Variants in NRXN1 observed in about 807,000 individuals in gnomAD.
NRXN1 encodes the protein neurexin 1.
NRXN1 carries 39 observed loss-of-function variants against 150.9 expected under a neutral mutation model. That is an observed-to-expected ratio of 0.26 (90% CI 0.20 to 0.34). The LOEUF (loss-of-function observed/expected upper bound fraction) is 0.34. NRXN1 is among the 10% of genes least tolerant of loss of function. The pLI is 1.00. For synonymous variants in NRXN1, 924 were observed against 757.0 expected (o/e 1.22, Z -3.62); for missense variants, 1,815 against 1,949.9 (o/e 0.93, Z 1.30).
At chr2:50,225,924 C>T (rs1453990627) in intron 18 of NRXN1, among the ~76,000 whole-genome samples, 3 of 151,942 alleles carry the variant, frequency 2.0e-5, no homozygotes, top group Non-Finnish European at 4.4e-5. Context: ...ATCTGAAATG[C>T]TCCATAATTT....
chr2:50,203,366 A>G (rs946127190), intron 18 of NRXN1, among the ~76,000 whole-genome samples: 8 of 152,188 alleles, frequency 5.3e-5, no homozygotes, highest in Non-Finnish European at 1.0e-4. Context: ...ATGGGTCTTT[A>G]CATTCTTGAA....
chr2:50,635,085 G>T (rs1254642302), intron 5 of NRXN1, among the ~76,000 whole-genome samples: 1 of 152,128 alleles, frequency 6.6e-6, no homozygotes, highest in Non-Finnish European at 1.5e-5. Flanking sequence ...TCAAGCCAAA[G>T]ACTCAAAGGG....
At chr2:50,574,916 T>A (rs927719237) in intron 8 of NRXN1, among the ~76,000 whole-genome samples, 2 of 152,208 alleles carry the variant, frequency 1.3e-5, no homozygotes, top group Admixed American at 6.5e-5. Flanking sequence ...GTTTGAGACA[T>A]GAACTGCTGC....
intron 17 of NRXN1, among the ~76,000 whole-genome samples, chr2:50,369,977 C>A (rs1949569): frequency 0.57 from 86,123 of 151,828 alleles, 26,720 homozygotes; most frequent in East Asian, 0.92. Context: ...CATGGCTAAT[C>A]GCAAAGGTAA....
chr2:50,175,582 G>C (rs1263208805), intron 18 of NRXN1, among the ~76,000 whole-genome samples: 2 of 151,412 alleles, frequency 1.3e-5, no homozygotes, highest in African/African-American at 2.4e-5. Flanking sequence ...AATATATGTG[G>C]ATAGAATATA....
At chr2:50,705,342 A>G (rs554531354) in intron 5 of NRXN1, among the ~76,000 whole-genome samples, 1 of 152,278 alleles carries the variant, frequency 6.6e-6, no homozygotes, top group African/African-American at 2.4e-5. Context: ...TTCAATAGAT[A>G]AAACTGAATC....
At chr2:50,745,255 T>C (rs1446353889) in intron 5 of NRXN1, among the ~76,000 whole-genome samples, 5 of 151,898 alleles carry the variant, frequency 3.3e-5, no homozygotes, top group African/African-American at 9.7e-5. Context: ...ACTTGGTCCA[T>C]AGTAAGTGCT....
intron 15 of NRXN1, among the ~76,000 whole-genome samples, chr2:50,478,230 G>A (rs937028408): frequency 6.6e-6 from 1 of 152,144 alleles, no homozygotes; most frequent in African/African-American, 2.4e-5. Flanking sequence ...TTAGTAGAAA[G>A]CCTAAGTGTG....
intron 17 of NRXN1, among the ~76,000 whole-genome samples, chr2:50,428,276 A>G (rs890507412): frequency 9.9e-5 from 15 of 152,246 alleles, no homozygotes; most frequent in African/African-American, 3.6e-4. Context: ...TTAGCTGGGC[A>G]TAGTGGCACA....
chr2:49,953,909 G>T (rs938842350), intron 21 of NRXN1, among the ~76,000 whole-genome samples: 1 of 151,848 alleles, frequency 6.6e-6, no homozygotes, highest in Non-Finnish European at 1.5e-5. Flanking sequence ...TACTTCACGC[G>T]GGGTTTAAAA....
chr2:49,996,899 A>G (rs1257073361), intron 21 of NRXN1, among the ~76,000 whole-genome samples: 3 of 152,270 alleles, frequency 2.0e-5, no homozygotes, highest in Non-Finnish European at 2.9e-5. Flanking sequence ...TGAATATACT[A>G]CATCTTAGTC....
In NRXN1 at chr2:50,216,443, C is replaced by A. The variant is rs553856778; in HGVS notation, c.3546+20346G>T. Among the ~76,000 whole-genome samples the A allele has an allele frequency of 2.0e-5, 3 of 152,028 alleles. No homozygotes were observed. The South Asian group carries it at 6.2e-4, about 32-fold the overall frequency. On this transcript the variant is annotated intron_variant, in intron 18 of 22. Transcript: ENST00000401669. Reference sequence around the variant, plus strand: ...GGATACTGTATTTAAAGGCATTGAGCCATACCTCTGAAGTATTTACCAATC... The same window carrying A: ...GGATACTGTATTTAAAGGCATTGAGACATACCTCTGAAGTATTTACCAATC...
At chr2:50,925,468 C>G (rs1309613638) in intron 3 of NRXN1, among the ~76,000 whole-genome samples, 2 of 151,830 alleles carry the variant, frequency 1.3e-5, no homozygotes, top group African/African-American at 2.4e-5. Context: ...TACTTATACT[C>G]AGTACTTTAT....
intron 18 of NRXN1, among the ~76,000 whole-genome samples, chr2:50,105,763 T>C (rs1701550502): frequency 6.6e-6 from 1 of 152,020 alleles, no homozygotes; most frequent in Admixed American, 6.6e-5. Flanking sequence ...GTGTTCCATG[T>C]GTCATGATCA....
At chr2:50,018,565 T>C (rs921806557) in intron 21 of NRXN1, among the ~76,000 whole-genome samples, 11 of 152,352 alleles carry the variant, frequency 7.2e-5, no homozygotes, top group African/African-American at 2.6e-4. Context: ...CTCCCCTCTC[T>C]CCCACGTTAT....
At chr2:50,243,780 G>T (rs1403910564) in intron 17 of NRXN1, among the ~76,000 whole-genome samples, 1 of 151,794 alleles carries the variant, frequency 6.6e-6, no homozygotes, top group Non-Finnish European at 1.5e-5. Flanking sequence ...TTGGAAGTCT[G>T]AAAGCAGAAG....
chr2:50,209,239 G>C (rs1185300116), intron 18 of NRXN1, among the ~76,000 whole-genome samples: 2 of 152,138 alleles, frequency 1.3e-5, no homozygotes, highest in African/African-American at 4.8e-5. Context: ...CTCAGGTTGA[G>C]AGAATGAGTT....
chr2:50,858,221 CA>C (rs1401033347), intron 5 of NRXN1, among the ~76,000 whole-genome samples: 1 of 151,872 alleles, frequency 6.6e-6, no homozygotes, highest in African/African-American at 2.4e-5. Flanking sequence ...AATAAAGACA[CA>C]AATACAACAA....
chr2:50,433,717 T>G (rs1572954782), intron 17 of NRXN1, among the ~76,000 whole-genome samples: 3 of 134,088 alleles, frequency 2.2e-5, no homozygotes, highest in African/African-American at 8.5e-5. Context: ...ATGGAAGGAG[T>G]TGGGGAGGGA....
Sources: allele counts gnomAD v4.1 joint callset (sites outside exome capture counted in the v4.1 genomes callset), GRCh38; gene constraint gnomAD v4.1.1; transcripts MANE v1.5; gene names NCBI Gene and HGNC (gene_info 2026-07-23, HGNC 2026-07-21).